PTGIS: variants seen among roughly 807,000 people sequenced by gnomAD.
PTGIS encodes the protein prostaglandin I2 synthase.
In PTGIS, 45 loss-of-function variants were observed where a neutral mutation model predicts 50.3. That is an observed-to-expected ratio of 0.90 (90% CI 0.70 to 1.15). PTGIS has a LOEUF of 1.15. Ranked by LOEUF, PTGIS falls within the 50% of genes most tolerant of loss-of-function variation. The pLI is 0.00. For missense variants in PTGIS, 668 were observed against 661.3 expected, an observed-to-expected ratio of 1.01 and a Z score of -0.11; for synonymous variants, 260 against 267.7, an observed-to-expected ratio of 0.97 and a Z score of 0.28.
intron 5 of PTGIS, among the ~76,000 whole-genome samples, chr20:49,536,512 A>G (rs12165262): frequency 0.09 from 10,548 of 117,834 alleles, 573 homozygotes; most frequent in African/African-American, 0.18. Context: ...ACGGAGTCTC[A>G]CTCTGTCGCC....
intron 3 of PTGIS, 129 bp from the exon 4 acceptor site, chr20:49,544,577 A>C: frequency 2.1e-6 from 2 of 952,190 alleles, no homozygotes; most frequent in Non-Finnish European, 3.3e-6. Flanking sequence ...CCTGCGGAAG[A>C]GTAGCTTAAA....
At chr20:49,512,171 G>A (rs1410065190) in intron 8 of PTGIS, among the ~76,000 whole-genome samples, 1 of 151,954 alleles carries the variant, frequency 6.6e-6, no homozygotes, top group African/African-American at 2.4e-5. Flanking sequence ...ATGGATGGAT[G>A]GATGGGTGGA....
chr20:49,513,280 AG>A lies in PTGIS; in HGVS notation c.1025-20del, dbSNP rs778179445. The A allele has an allele frequency of 1.9e-6, 3 of 1,610,742 alleles. No homozygotes were observed. The Admixed American group carries it at 5.0e-5, about 27-fold the overall frequency. On this transcript the variant is annotated intron_variant, in intron 7 of 9. Transcript: ENST00000244043. ...ACGCTATCTGCATGGGGCAGGTGCAAGGAAGAGTCAGCGGGCTATCCCTTCA... is the reference window on the plus strand; with the variant it reads ...ACGCTATCTGCATGGGGCAGGTGCAAGAAGAGTCAGCGGGCTATCCCTTCA...
At chr20:49,514,631 C>T (rs1400604389) in intron 6 of PTGIS, among the ~76,000 whole-genome samples, 1 of 152,218 alleles carries the variant, frequency 6.6e-6, no homozygotes, top group Non-Finnish European at 1.5e-5. Flanking sequence ...TGCAAAGTCA[C>T]TAATCCTAGG....
intron 1 of PTGIS, among the ~76,000 whole-genome samples, chr20:49,556,772 T>C (rs1277034425): frequency 6.6e-6 from 1 of 152,204 alleles, no homozygotes; most frequent in Non-Finnish European, 1.5e-5. Flanking sequence ...ACTTGTCTAA[T>C]GTTTTTCCAT....
intron 1 of PTGIS, among the ~76,000 whole-genome samples, chr20:49,565,407 A>G (rs1050416120): frequency 6.6e-6 from 1 of 152,170 alleles, no homozygotes; most frequent in African/African-American, 2.4e-5. Context: ...GGTGGTTCAC[A>G]CCGGTAATTC....
intron 4 of PTGIS, among the ~76,000 whole-genome samples, chr20:49,542,951 C>A (rs1346661872): frequency 8.4e-6 from 1 of 119,608 alleles, no homozygotes; most frequent in Admixed American, 8.5e-5. Flanking sequence ...TGAGACACGC[C>A]GAGTCTACAC....
At chr20:49,539,477 C>T in intron 5 of PTGIS, 93 bp downstream of exon 5, 1 of 1,415,460 alleles carries the variant, frequency 7.1e-7, no homozygotes. Context: ...GTCTTTCTGC[C>T]TGTGTTGCCT....
Position 49,525,194 on chromosome 20 carries a change from A to G in PTGIS, c.674-955T>C, listed in dbSNP as rs1360585852. The stretch of plus-strand genomic sequence containing the variant: ...AAGAGAGACGGGCCAGAAAGGGGCC[A>G]TGGCACTTAGCCCACCAACCAGCCC... On this transcript the variant is annotated intron_variant, in intron 5 of 9. Coordinates refer to ENST00000244043, the MANE Select transcript of PTGIS (RefSeq NM_000961.4). Among the ~76,000 whole-genome samples the G allele has an allele frequency of 2.0e-5, 3 of 152,252 alleles. No homozygotes were observed. In the East Asian group the frequency reaches 5.8e-4, roughly 29 times the overall value.
chr20:49,553,071 A>G (rs530581885), intron 1 of PTGIS, among the ~76,000 whole-genome samples: 1 of 152,178 alleles, frequency 6.6e-6, no homozygotes, highest in Non-Finnish European at 1.5e-5. Context: ...ATCTTTAACA[A>G]ATAAGCTGGT....
At chr20:49,543,675 A>C (rs1022142563) in intron 4 of PTGIS, among the ~76,000 whole-genome samples, 2 of 152,114 alleles carry the variant, frequency 1.3e-5, no homozygotes, top group Non-Finnish European at 2.9e-5. Context: ...CTTGGCTCAG[A>C]AGCCAGACCC....
At chr20:49,527,782 T>A (rs922992134) in intron 5 of PTGIS, among the ~76,000 whole-genome samples, 20 of 152,346 alleles carry the variant, frequency 1.3e-4, no homozygotes, top group African/African-American at 3.6e-4. Flanking sequence ...ACAATTTTTT[T>A]AAAAGGCATA....
intron 5 of PTGIS, among the ~76,000 whole-genome samples, chr20:49,527,394 T>C (rs1981819141): frequency 6.6e-6 from 1 of 151,668 alleles, no homozygotes; most frequent in Non-Finnish European, 1.5e-5. Flanking sequence ...GAGGCGGAGA[T>C]TGTAGTGAGC....
At chr20:49,561,677 C>G (rs1440736623) in intron 1 of PTGIS, among the ~76,000 whole-genome samples, 1 of 152,232 alleles carries the variant, frequency 6.6e-6, no homozygotes, top group Non-Finnish European at 1.5e-5. Context: ...CCCAGCCACG[C>G]TTCTTGCTGG....
At chr20:49,527,023 A>T (rs150930567) in intron 5 of PTGIS, among the ~76,000 whole-genome samples, 167 of 152,314 alleles carry the variant, frequency 1.1e-3, no homozygotes, top group African/African-American at 3.8e-3. Flanking sequence ...TCGTGCACCA[A>T]TGTTCATAGC....
rs1293289136 is a variant in PTGIS at position 49,507,708 on chromosome 20, C to T, written c.*212G>A. 2 of 656,842 alleles carry T rather than the reference C, an allele frequency of 3.0e-6. No homozygotes were observed. Among genetic ancestry groups the T allele is most frequent in the Non-Finnish European group, 5.2e-6 (2 of 387,522 alleles). 40.7% of individuals were successfully genotyped at this position (656,842 alleles called of 1,614,324 possible). A position where few individuals can be genotyped will look rare whatever the true frequency, so the allele number is the denominator to read the frequency against. On this transcript the variant is annotated 3_prime_UTR_variant, in exon 10 of 10. Coordinates refer to ENST00000244043, the MANE Select transcript of PTGIS (RefSeq NM_000961.4). ...GCCTGATTTTGGAAAGAAAACTTTG[C>T]AGTGGATAATCCATAGAGCTTTCAA... is the stretch of plus-strand genomic sequence containing the variant.
chr20:49,541,680 G>C (rs1251480347), intron 4 of PTGIS, among the ~76,000 whole-genome samples: 3 of 152,150 alleles, frequency 2.0e-5, no homozygotes, highest in Non-Finnish European at 4.4e-5. Context: ...GCAGCGAGCA[G>C]AGATCGCGCC....
At chr20:49,527,289 C>CA (rs36033143) in intron 5 of PTGIS, among the ~76,000 whole-genome samples, 16,386 of 111,098 alleles carry the variant, frequency 0.15, 1,164 homozygotes, top group Non-Finnish European at 0.21. Context: ...TACTAAAATA[C>CA]AAAAAAAAAA....
Position 49,524,212 on chromosome 20 carries a change from T to C in PTGIS, c.701A>G (p.Lys234Arg), listed in dbSNP as rs571969417. Residue 234 changes from lysine to arginine, a missense_variant, in exon 6 of 10, where the codon AAA becomes AGA. Transcript: ENST00000244043. Reference sequence around the variant, plus strand: ...GGATAGCAGCTTCCACAGGCGACTTTTGACACTGCACATGTGGTCCTTGTC... The same window carrying C: ...GGATAGCAGCTTCCACAGGCGACTTCTGACACTGCACATGTGGTCCTTGTC... Reference protein sequence around the residue: ...VGDKDHMCSVKSRLWKLLSPA... With the variant: ...VGDKDHMCSVRSRLWKLLSPA... 2.1e-5 allele frequency: 34 copies of C among 1,614,188 alleles called. No homozygotes were observed. In the Middle Eastern group the frequency reaches 6.6e-4, roughly 31 times the overall value.
Sources: allele counts gnomAD v4.1 joint callset (sites outside exome capture counted in the v4.1 genomes callset), GRCh38; gene constraint gnomAD v4.1.1; transcripts MANE v1.5; gene names NCBI Gene and HGNC (gene_info 2026-07-23, HGNC 2026-07-21).